The following ARHGAP24 variants were observed in gnomAD, a reference collection of about 807,000 sequenced individuals.
ARHGAP24 encodes the protein Rho GTPase activating protein 24, also known as rho GTPase-activating protein 24.
Under a neutral mutation model 76.4 loss-of-function variants are expected in ARHGAP24, and 50 were observed. That is an observed-to-expected ratio of 0.65 (90% CI 0.52 to 0.83). The LOEUF (loss-of-function observed/expected upper bound fraction) is 0.83. Ranked by LOEUF, ARHGAP24 falls within the 40% of genes least tolerant of loss-of-function variation. The probability of loss-of-function intolerance (pLI) is 0.00; values close to 1 mark genes in which losing one functional copy is unlikely to be tolerated. For missense variants in ARHGAP24, 930 were observed against 914.2 expected, an observed-to-expected ratio of 1.02 and a Z score of -0.22; for synonymous variants, 345 against 323.3, an observed-to-expected ratio of 1.07 and a Z score of -0.72.
At chr4:85,894,944 G>T (rs1235816473) in intron 3 of ARHGAP24, among the ~76,000 whole-genome samples, 8 of 74,726 alleles carry the variant, frequency 1.1e-4, no homozygotes, top group African/African-American at 4.0e-4. Flanking sequence ...CTGGGCAACA[G>T]AATGAGACTC....
chr4:85,630,025 T>C (rs1159214132), intron 2 of ARHGAP24, among the ~76,000 whole-genome samples: 2 of 152,094 alleles, frequency 1.3e-5, no homozygotes, highest in Admixed American at 6.5e-5. Flanking sequence ...TTCTTCTCTC[T>C]TTTTTATTCT....
At position 85,995,110 on chromosome 4, in the gene ARHGAP24, A is replaced by G; in HGVS notation, c.1456A>G (p.Ile486Val). Residue 486 changes from isoleucine (I) to valine (V), a missense_variant, in exon 9 of 10, where the codon ATT becomes GTT. Physicochemically the swap from Ile to Val is conservative, Grantham distance 29 (BLOSUM62 3). Coordinates refer to ENST00000395184, the MANE Select transcript of ARHGAP24 (RefSeq NM_001025616.3). ...SVQNGTVRMG[I>V]LNSDTLGNPT... The stretch of plus-strand genomic sequence containing the variant: ...ACAGAATGGAACGGTGCGCATGGGC[A>G]TTTTGAACAGCGACACACTCGGGAA... 1 of 1,614,066 alleles carries G rather than the reference A, an allele frequency of 6.2e-7. No individual in the cohort carries two copies. Among genetic ancestry groups the G allele is most frequent in the Non-Finnish European group, 8.5e-7 (1 of 1,180,030 alleles).
intron 2 of ARHGAP24, among the ~76,000 whole-genome samples, chr4:85,695,915 A>G (rs1723849345): frequency 6.6e-6 from 1 of 152,186 alleles, no homozygotes; most frequent in South Asian, 2.1e-4. Context: ...TATAACTTGA[A>G]TTTATTTTCC....
intron 8 of ARHGAP24, among the ~76,000 whole-genome samples, chr4:85,992,867 C>A (rs1740417432): frequency 6.6e-6 from 1 of 152,086 alleles, no homozygotes; most frequent in African/African-American, 2.4e-5. Flanking sequence ...TTATCTTTAT[C>A]TAACTTTATC....
At chr4:85,887,596 C>A (rs1318521627) in intron 3 of ARHGAP24, among the ~76,000 whole-genome samples, 5 of 152,244 alleles carry the variant, frequency 3.3e-5, no homozygotes, top group Non-Finnish European at 5.9e-5. Context: ...AACACTAAAA[C>A]ATGTAAAACA....
intron 3 of ARHGAP24, among the ~76,000 whole-genome samples, chr4:85,788,425 G>C (rs1727956631): frequency 6.6e-6 from 1 of 152,044 alleles, no homozygotes; most frequent in Non-Finnish European, 1.5e-5. Context: ...TGGTAATAAT[G>C]GTTTATAATC....
chr4:85,617,245 C>T (rs1035731707), intron 2 of ARHGAP24, among the ~76,000 whole-genome samples: 1 of 147,996 alleles, frequency 6.8e-6, no homozygotes, highest in African/African-American at 2.5e-5. Flanking sequence ...TATTTAAATA[C>T]CTATATATTT....
At chr4:85,655,746 T>G (rs1722114988) in intron 2 of ARHGAP24, among the ~76,000 whole-genome samples, 1 of 135,664 alleles carries the variant, frequency 7.4e-6, no homozygotes, top group East Asian at 2.1e-4. Context: ...CACTCCAGCC[T>G]GGGTGACAGA....
intron 3 of ARHGAP24, among the ~76,000 whole-genome samples, chr4:85,907,024 A>G (rs1246086078): frequency 6.6e-6 from 1 of 152,212 alleles, no homozygotes; most frequent in Non-Finnish European, 1.5e-5. Flanking sequence ...GATTCTTTTC[A>G]TCTTCGTTAG....
intron 1 of ARHGAP24, among the ~76,000 whole-genome samples, chr4:85,485,070 C>T (rs548515144): frequency 2.6e-5 from 4 of 151,648 alleles, no homozygotes; most frequent in South Asian, 4.2e-4. Flanking sequence ...TGGGGCCAGG[C>T]GCACTGGCTC....
chr4:85,500,320 G>GTGT (rs1723754409), intron 1 of ARHGAP24, among the ~76,000 whole-genome samples: 1 of 152,174 alleles, frequency 6.6e-6, no homozygotes, highest in Non-Finnish European at 1.5e-5. Flanking sequence ...GAAGTCTGGT[G>GTGT]TTCCCTGGTA....
At chr4:85,857,888 CT>C (rs984123672) in intron 3 of ARHGAP24, among the ~76,000 whole-genome samples, 27 of 152,054 alleles carry the variant, frequency 1.8e-4, no homozygotes, top group Admixed American at 5.3e-4. Flanking sequence ...AATATTTTTT[CT>C]GGCCCTCTGA....
chr4:85,728,232 CA>C (rs143928362), intron 3 of ARHGAP24, among the ~76,000 whole-genome samples: 14,424 of 90,544 alleles, frequency 0.16, 843 homozygotes, highest in East Asian at 0.48. Context: ...ATCCTTTTGC[CA>C]AAAAAAAAAA....
At chr4:85,672,684 G>C (rs567866662) in intron 2 of ARHGAP24, among the ~76,000 whole-genome samples, 2 of 152,300 alleles carry the variant, frequency 1.3e-5, no homozygotes, top group Non-Finnish European at 1.5e-5. Context: ...GAAGCTGGTT[G>C]TGTGGATTTC....
chr4:85,487,401 A>G (rs1444285811), intron 1 of ARHGAP24, among the ~76,000 whole-genome samples: 1 of 112,996 alleles, frequency 8.8e-6, no homozygotes, highest in Non-Finnish European at 1.6e-5. Flanking sequence ...TAAACATGTA[A>G]ATATATATTT....
intron 1 of ARHGAP24, among the ~76,000 whole-genome samples, chr4:85,511,339 G>A (rs368712267): frequency 2.0e-5 from 3 of 152,106 alleles, no homozygotes; most frequent in African/African-American, 4.8e-5. Context: ...TGTGCCCTCC[G>A]AAGGCTTTGG....
At position 85,755,633 on chromosome 4, in the gene ARHGAP24, TTTG is replaced by T. The variant is rs1289113431; in HGVS notation, c.268+33664_268+33666del. On this transcript the variant is annotated intron_variant, in intron 3 of 9. Coordinates refer to ENST00000395184, the MANE Select transcript of ARHGAP24 (RefSeq NM_001025616.3). Reference sequence around the variant, plus strand: ...GGAAGCTTCTATTCTTTTGTTTTGTTTTGTTTTGTTTTGTTTTGAGACGGAGTC... The same window carrying T: ...GGAAGCTTCTATTCTTTTGTTTTGTTTTTTGTTTTGTTTTGAGACGGAGTC... Among the ~76,000 whole-genome samples the T allele has an allele frequency of 7.2e-3, 519 of 72,542 alleles. 39 individuals are homozygous for T. Among genetic ancestry groups the T allele is most frequent in the Middle Eastern group, 0.014 (2 of 142 alleles). 47.6% of individuals were successfully genotyped at this position (72,542 alleles called of 152,430 possible). A position where few individuals can be genotyped will look rare whatever the true frequency, so the allele number is the denominator to read the frequency against.
intron 3 of ARHGAP24, among the ~76,000 whole-genome samples, chr4:85,899,370 A>G (rs969495298): frequency 2.0e-5 from 3 of 152,250 alleles, no homozygotes; most frequent in Non-Finnish European, 2.9e-5. Flanking sequence ...TGTGCTATAA[A>G]CAATGCTCAG....
At chr4:85,929,300 A>G (rs1736188691) in intron 4 of ARHGAP24, among the ~76,000 whole-genome samples, 1 of 152,246 alleles carries the variant, frequency 6.6e-6, no homozygotes, top group African/African-American at 2.4e-5. Context: ...TTTCAATGAC[A>G]AAAGATTACC....
Sources: gnomAD v4.1 joint callset for allele counts (sites outside exome capture counted in the v4.1 genomes callset) on GRCh38, gnomAD v4.1.1 for gene constraint, MANE v1.5 for transcripts, NCBI Gene and HGNC (gene_info 2026-07-23, HGNC 2026-07-21) for gene names.